PPM1L: variants seen among roughly 807,000 people sequenced by gnomAD.
PPM1L encodes the protein protein phosphatase, Mg2+/Mn2+ dependent 1L.
A neutral mutation model predicts 31.4 loss-of-function variants in PPM1L; 13 were observed. That is an observed-to-expected ratio of 0.41 (90% confidence interval 0.27 to 0.66). The LOEUF (loss-of-function observed/expected upper bound fraction) is 0.66, where lower values mean the gene tolerates loss of function less well. Ranked by LOEUF, PPM1L falls within the 30% of genes least tolerant of loss-of-function variation. The probability of loss-of-function intolerance (pLI) is 0.29; values close to 1 mark genes in which losing one functional copy is unlikely to be tolerated. For missense variants in PPM1L, 326 were observed against 453.7 expected (o/e 0.72, Z 2.56); for synonymous variants, 184 against 175.4 (o/e 1.05, Z -0.39).
chr3:160,777,378 A>G (rs992557699), intron 1 of PPM1L, among the ~76,000 whole-genome samples: 19 of 152,194 alleles, frequency 1.2e-4, no homozygotes, highest in African/African-American at 4.3e-4. Context: ...TGTAAAAATC[A>G]TGTAACAAAA....
chr3:160,771,347 C>T (rs1715250329), intron 1 of PPM1L, among the ~76,000 whole-genome samples: 1 of 150,128 alleles, frequency 6.7e-6, no homozygotes, highest in Non-Finnish European at 1.5e-5. Context: ...ATCTCTGCCT[C>T]CTGGGCTCAG....
chr3:160,923,681 T>C (rs933287619), intron 1 of PPM1L, among the ~76,000 whole-genome samples: 33 of 152,340 alleles, frequency 2.2e-4, no homozygotes, highest in African/African-American at 7.2e-4. Flanking sequence ...TCTTCAGTCA[T>C]CCCTTGCTTT....
rs190549180 is a variant in PPM1L at position 160,771,525 on chromosome 3, G to T, written c.399+14818G>T. Among the ~76,000 whole-genome samples the T allele has an allele frequency of 5.5e-4, 80 of 145,318 alleles. No homozygotes were observed. In the East Asian group the frequency reaches 0.012, roughly 22 times the overall value. On this transcript the variant is annotated intron_variant, in intron 1 of 3. Transcript: ENST00000498165. ...CTCAAAGTGTGGGGATTATAGTCAC[G>T]AGCCACCAAGGCTGGCTCTTTTTTT...
intron 1 of PPM1L, among the ~76,000 whole-genome samples, chr3:160,787,916 A>G (rs1254299385): frequency 2.0e-5 from 3 of 151,964 alleles, no homozygotes; most frequent in Admixed American, 1.3e-4. Context: ...GAAACATGAG[A>G]TGGTTATAGG....
At chr3:160,905,114 C>A (rs764435681) in intron 1 of PPM1L, among the ~76,000 whole-genome samples, 7 of 152,172 alleles carry the variant, frequency 4.6e-5, no homozygotes, top group Non-Finnish European at 2.9e-5. Context: ...TTTCCATGAA[C>A]TTTTCTAAGG....
At chr3:160,810,424 A>G (rs73877969) in intron 1 of PPM1L, among the ~76,000 whole-genome samples, 3,979 of 152,280 alleles carry the variant, frequency 0.026, 174 homozygotes, top group African/African-American at 0.088. Context: ...ATCCTTTGGA[A>G]TCTGGAGTCT....
At chr3:160,824,363 C>T (rs1244823718) in intron 1 of PPM1L, among the ~76,000 whole-genome samples, 7 of 152,128 alleles carry the variant, frequency 4.6e-5, no homozygotes, top group Admixed American at 3.9e-4. Context: ...TAGCTACCTG[C>T]CTATGGTACT....
At position 161,073,145 on chromosome 3, in the gene PPM1L, A is replaced by G. The variant is rs1031148142; in HGVS notation, c.*3988A>G. The G allele has an allele frequency of 1.3e-5, 2 of 152,228 alleles. No homozygotes were observed. The highest frequency in any genetic ancestry group is 3.8e-4 in the East Asian group (2 of 5,198). 9.4% of individuals were successfully genotyped at this position (152,228 alleles called of 1,614,324 possible). A position where few individuals can be genotyped will look rare whatever the true frequency, so the allele number is the denominator to read the frequency against. ...TCTAAATATAGGATTCTAGGATGAA[A>G]TAAGTTTGGAAAACACATACCATCT... On this transcript the variant is annotated 3_prime_UTR_variant, in exon 4 of 4. Coordinates refer to ENST00000498165, the MANE Select transcript of PPM1L (RefSeq NM_139245.4).
chr3:161,003,721 A>G (rs1345288945), intron 2 of PPM1L, among the ~76,000 whole-genome samples: 1 of 152,216 alleles, frequency 6.6e-6, no homozygotes, highest in Non-Finnish European at 1.5e-5. Flanking sequence ...GTTGCCTATC[A>G]GCTTAAGGAG....
chr3:160,904,569 G>A (rs1713677040), intron 1 of PPM1L, among the ~76,000 whole-genome samples: 1 of 152,110 alleles, frequency 6.6e-6, no homozygotes, highest in African/African-American at 2.4e-5. Context: ...CTTGTATTGG[G>A]AAGATGAACT....
chr3:160,981,507 A>G (rs1446345064), intron 2 of PPM1L, among the ~76,000 whole-genome samples: 1 of 152,186 alleles, frequency 6.6e-6, no homozygotes, highest in Non-Finnish European at 1.5e-5. Flanking sequence ...GTGAATGTCG[A>G]AAGTGGTATA....
chr3:161,058,656 C>A (rs1719490526), intron 2 of PPM1L, among the ~76,000 whole-genome samples: 1 of 151,938 alleles, frequency 6.6e-6, no homozygotes, highest in Admixed American at 6.6e-5. Flanking sequence ...GTTTCTGAGT[C>A]CCGTTTTCCT....
At chr3:160,766,842 C>T (rs1439971403) in intron 1 of PPM1L, among the ~76,000 whole-genome samples, 2 of 150,284 alleles carry the variant, frequency 1.3e-5, no homozygotes, top group East Asian at 1.9e-4. Flanking sequence ...TTAAGGAGGG[C>T]CTTGATACTC....
intron 1 of PPM1L, among the ~76,000 whole-genome samples, chr3:160,941,848 T>C (rs1255583773): frequency 6.6e-6 from 1 of 152,188 alleles, no homozygotes; most frequent in East Asian, 1.9e-4. Flanking sequence ...TTTAGCTCTA[T>C]GTGTTTATTA....
intron 1 of PPM1L, among the ~76,000 whole-genome samples, chr3:160,762,981 G>A (rs190164076): frequency 1.3e-5 from 2 of 152,030 alleles, no homozygotes; most frequent in Admixed American, 6.5e-5. Flanking sequence ...TATCAGCACC[G>A]GGAGTGGAAA....
chr3:160,811,384 T>C (rs2108084584), intron 1 of PPM1L, among the ~76,000 whole-genome samples: 1 of 152,388 alleles, frequency 6.6e-6, no homozygotes, highest in South Asian at 2.1e-4. Flanking sequence ...TTTTCTAACA[T>C]AGGGCTTGAC....
intron 2 of PPM1L, among the ~76,000 whole-genome samples, chr3:160,974,555 A>G (rs1246055998): frequency 6.6e-6 from 1 of 151,802 alleles, no homozygotes; most frequent in East Asian, 1.9e-4. Flanking sequence ...ATTTTTAATG[A>G]TTGCCATTGT....
chr3:160,821,133 C>T (rs1349597715), intron 1 of PPM1L, among the ~76,000 whole-genome samples: 1 of 151,988 alleles, frequency 6.6e-6, no homozygotes, highest in Non-Finnish European at 1.5e-5. Flanking sequence ...GGTCATGGCC[C>T]TTGAAAGCAC....
chr3:160,767,774 T>G (rs991622389), intron 1 of PPM1L, among the ~76,000 whole-genome samples: 2 of 152,246 alleles, frequency 1.3e-5, no homozygotes, highest in Non-Finnish European at 2.9e-5. Context: ...AGCAAAGTTT[T>G]TAATCTAAAA....
Sources: gnomAD v4.1 joint callset for allele counts (sites outside exome capture counted in the v4.1 genomes callset) on GRCh38, gnomAD v4.1.1 for gene constraint, MANE v1.5 for transcripts, NCBI Gene and HGNC (gene_info 2026-07-23, HGNC 2026-07-21) for gene names.